The following CLIC2 variants were observed in gnomAD, a reference collection of about 807,000 sequenced individuals.
CLIC2 encodes chloride intracellular channel protein 2.
In CLIC2, 9 loss-of-function variants were observed where a neutral mutation model predicts 14.8. That is an observed-to-expected ratio of 0.61 (90% CI 0.37 to 1.06). The LOEUF (loss-of-function observed/expected upper bound fraction) is 1.06. Among genes scored for constraint, CLIC2 ranks in the 50% least tolerant of loss-of-function variants. The pLI is 0.01. For synonymous variants in CLIC2, 61 were observed against 66.3 expected, an observed-to-expected ratio of 0.92 and a Z score of 0.39; for missense variants, 148 against 181.4, an observed-to-expected ratio of 0.82 and a Z score of 1.06.
chrX:155,312,179 T>A (rs188227441), intron 1 of CLIC2, among the ~76,000 whole-genome samples: 21 of 112,275 alleles, frequency 1.9e-4, no homozygotes, highest in Admixed American at 1.2e-3. Context: ...TTAGACCCCA[T>A]TTGTCAATTT....
At chrX:155,332,198 C>T (rs983419435) in intron 1 of CLIC2, among the ~76,000 whole-genome samples, 7 of 112,000 alleles carry the variant, frequency 6.3e-5, no homozygotes, top group South Asian at 3.6e-4. Context: ...ACACAGAACA[C>T]ATAGATATCG....
intron 1 of CLIC2, chrX:155,310,535 GGTT>G (rs2075070380): frequency 5.5e-6 from 1 of 182,879 alleles, no homozygotes; most frequent in Admixed American, 6.7e-5. Context: ...CCTCTCTCCT[GGTT>G]GTTTTCACAG....
intron 3 of CLIC2, chrX:155,293,125 C>A (rs1324329332): frequency 3.2e-6 from 2 of 625,956 alleles, no homozygotes; most frequent in Non-Finnish European, 5.5e-6. Flanking sequence ...TGATGAGAAG[C>A]GGAAAAATAA....
intron 1 of CLIC2, among the ~76,000 whole-genome samples, chrX:155,326,218 A>T (rs1302021165): frequency 2.7e-5 from 3 of 111,440 alleles, no homozygotes; most frequent in African/African-American, 9.8e-5. Context: ...TGTTGTATAC[A>T]TTGAATATAT....
chrX:155,289,162 G>T (rs1265787565), intron 3 of CLIC2, among the ~76,000 whole-genome samples: 1 of 110,489 alleles, frequency 9.1e-6, no homozygotes, highest in Non-Finnish European at 1.9e-5. Flanking sequence ...AAAAAAATGA[G>T]TGTTTCACCC....
At position 155,326,263 on chromosome X, in the gene CLIC2, A is replaced by G. The variant is rs782778164; in HGVS notation, c.57+8108T>C. Among the ~76,000 whole-genome samples the G allele has an allele frequency of 3.6e-5, 4 of 111,723 alleles. No individual in the cohort carries two copies. In the Admixed American group the frequency reaches 3.8e-4, roughly 11 times the overall value. On this transcript the variant is annotated intron_variant, in intron 1 of 5. Transcript: ENST00000369449. ...ATTTGCCAACTAAATACTCTAAAAT[A>G]AAAAAGGAAAAAAGAAAATGAGCAA...
chrX:155,299,682 C>G (rs782357097), intron 1 of CLIC2, among the ~76,000 whole-genome samples: 2 of 105,954 alleles, frequency 1.9e-5, no homozygotes, highest in Non-Finnish European at 3.9e-5. Flanking sequence ...CCCACTAACT[C>G]GTCATCTAGC....
intron 1 of CLIC2, among the ~76,000 whole-genome samples, chrX:155,325,261 T>C (rs1355308312): frequency 8.9e-6 from 1 of 111,774 alleles, no homozygotes; most frequent in Non-Finnish European, 1.9e-5. Context: ...TTACTGGGTA[T>C]ATACCCAAAG....
At chrX:155,333,795 C>T (rs139942434) in intron 1 of CLIC2, among the ~76,000 whole-genome samples, 169 of 109,920 alleles carry the variant, frequency 1.5e-3, no homozygotes, top group Non-Finnish European at 2.6e-3. Context: ...AAAATGTCCC[C>T]CTCCTCACAT....
chrX:155,334,567 C>A lies in CLIC2; in HGVS notation c.-140G>T. ...CCGTCTAGCTTGTAGTGGACTGAGT[C>A]AGACCTGGAGCCAGTCTCTTCTCTC... On this transcript the variant is annotated 5_prime_UTR_variant, in exon 1 of 6. Coordinates refer to ENST00000369449, the MANE Select transcript of CLIC2 (RefSeq NM_001289.6). 1.9e-6 allele frequency: 1 copy of A among 536,441 alleles called. No homozygotes were observed. The highest frequency in any genetic ancestry group is 2.6e-5 in the South Asian group (1 of 37,821). The allele number at this position is 536,441 out of a possible 1,213,427, so 44.2% of individuals were successfully genotyped here.
chrX:155,320,780 T>C (rs2075111480), intron 1 of CLIC2, among the ~76,000 whole-genome samples: 1 of 111,384 alleles, frequency 9.0e-6, no homozygotes, highest in African/African-American at 3.3e-5. Context: ...TAAAGGAGCA[T>C]GTTCTAACCC....
intron 3 of CLIC2, among the ~76,000 whole-genome samples, chrX:155,291,906 C>T (rs1349362157): frequency 1.8e-5 from 2 of 112,099 alleles, no homozygotes; most frequent in Admixed American, 9.5e-5. Context: ...AGCGCTGCCG[C>T]CGCCGCAGGA....
intron 1 of CLIC2, among the ~76,000 whole-genome samples, chrX:155,308,833 A>G (rs965803360): frequency 5.4e-5 from 6 of 111,793 alleles, no homozygotes; most frequent in African/African-American, 1.6e-4. Context: ...TCAAACATGG[A>G]GAAATAAAAA....
chrX:155,325,586 T>TG (rs1208030298), intron 1 of CLIC2, among the ~76,000 whole-genome samples: 1 of 105,227 alleles, frequency 9.5e-6, no homozygotes, highest in Middle Eastern at 4.8e-3. Context: ...TGGAGCCAGT[T>TG]GCGGAGTGGG....
intron 3 of CLIC2, chrX:155,292,297 A>C (rs2074970358): frequency 3.5e-6 from 2 of 568,073 alleles, no homozygotes; most frequent in Non-Finnish European, 6.4e-6. Context: ...TCATTACTGA[A>C]ACTCAATGCA....
chrX:155,290,764 T>C, intron 3 of CLIC2: 1 of 640,399 alleles, frequency 1.6e-6, no homozygotes, highest in Non-Finnish European at 2.7e-6. Context: ...TCATTTTTTA[T>C]GTTTATTTCC....
At position 155,305,847 on chromosome X, in the gene CLIC2, G is replaced by A. The variant is rs781867338; in HGVS notation, c.58-6702C>T. Among the ~76,000 whole-genome samples the A allele has an allele frequency of 7.2e-5, 8 of 111,637 alleles. No individual in the cohort carries two copies. In the East Asian group the frequency reaches 8.4e-4, roughly 12 times the overall value. ...GAGATCTACCATGCTTTTTCTCTAC[G>A]TGGTCTGGCTTTTCTGATCTGCTTA... On this transcript the variant is annotated intron_variant, in intron 1 of 5. Coordinates refer to ENST00000369449, the MANE Select transcript of CLIC2 (RefSeq NM_001289.6).
Position 155,276,573 on chromosome X carries a change from G to A in CLIC2, c.*1330C>T, listed in dbSNP as rs782039103. ...CCACGATTCTACCCTCTACTTGTGT[G>A]AGATCAACTTTTTAAAATTCCACAT... On this transcript the variant is annotated 3_prime_UTR_variant, in exon 6 of 6. Coordinates refer to ENST00000369449, the MANE Select transcript of CLIC2 (RefSeq NM_001289.6). 4.5e-5 allele frequency: 5 copies of A among 111,466 alleles called. No homozygotes were observed. The highest frequency in any genetic ancestry group is 1.6e-4 in the African/African-American group (5 of 30,789). The allele number at this position is 111,466 out of a possible 1,213,427, so 9.2% of individuals were successfully genotyped here.
At chrX:155,313,477 A>G (rs1218150700) in intron 1 of CLIC2, among the ~76,000 whole-genome samples, 1 of 112,296 alleles carries the variant, frequency 8.9e-6, no homozygotes, top group African/African-American at 3.2e-5. Context: ...ATGCCCATCA[A>G]TGGTAGACTG....
Sources: allele counts gnomAD v4.1 joint callset (sites outside exome capture counted in the v4.1 genomes callset), GRCh38; gene constraint gnomAD v4.1.1; transcripts MANE v1.5; gene names NCBI Gene and HGNC (gene_info 2026-07-23, HGNC 2026-07-21).